Variants in TTLL4 observed in about 807,000 individuals in gnomAD.
TTLL4 encodes the protein tubulin tyrosine ligase like 4.
TTLL4 carries 85 observed loss-of-function variants against 122.7 expected under a neutral mutation model. That is an observed-to-expected ratio of 0.69 (90% confidence interval 0.58 to 0.83). The LOEUF is 0.83. Among genes scored for constraint, TTLL4 ranks in the 40% least tolerant of loss-of-function variants. TTLL4 has a pLI of 0.00. For missense variants in TTLL4, 1,363 were observed against 1,488.6 expected (o/e 0.92, Z 1.39); for synonymous variants, 553 against 563.0 (o/e 0.98, Z 0.25).
chr2:218,751,422 T>G (rs886195461), intron 15 of TTLL4, among the ~76,000 whole-genome samples: 1 of 152,168 alleles, frequency 6.6e-6, no homozygotes, highest in African/African-American at 2.4e-5. Context: ...TAAACTGAAC[T>G]GAAGTATATA....
At chr2:218,727,060 C>T (rs576119125) in intron 1 of TTLL4, among the ~76,000 whole-genome samples, 2 of 152,224 alleles carry the variant, frequency 1.3e-5, no homozygotes, top group African/African-American at 2.4e-5. Flanking sequence ...CCACCCACCT[C>T]GGCCTCCCAA....
At chr2:218,717,398 C>T (rs1255924256) in intron 1 of TTLL4, among the ~76,000 whole-genome samples, 2 of 152,154 alleles carry the variant, frequency 1.3e-5, no homozygotes, top group Non-Finnish European at 2.9e-5. Context: ...GAAAGAGCCT[C>T]CTTCCCGAAG....
chr2:218,753,325 C>G, intron 18 of TTLL4, 140 bp downstream of exon 18: 2 of 1,041,962 alleles, frequency 1.9e-6, no homozygotes, highest in Non-Finnish European at 1.5e-6. Context: ...ACCATTCTTT[C>G]CTTTCAAGGG....
chr2:218,722,010 A>G (rs1942056211), intron 1 of TTLL4, among the ~76,000 whole-genome samples: 1 of 152,114 alleles, frequency 6.6e-6, no homozygotes, highest in Non-Finnish European at 1.5e-5. Flanking sequence ...GGCCAGGTGT[A>G]GGGGTTCATG....
chr2:218,730,508 A>G (rs112210223), intron 2 of TTLL4, among the ~76,000 whole-genome samples: 1,815 of 151,540 alleles, frequency 0.012, 47 homozygotes, highest in African/African-American at 0.042. Context: ...ACGCTGTCTC[A>G]AAGTAAATAA....
In TTLL4 at chr2:218,751,751, T is replaced by G; in HGVS notation, c.2921T>G (p.Val974Gly). The change falls in exon 16 of 20, where the codon GTC (valine) becomes GGC (glycine). Residue 974 changes from valine to glycine, a missense_variant. Physicochemically the swap from Val to Gly is moderately radical, Grantham distance 109. This residue lies in a region of TTLL4 where 596 missense variants were observed against 655.8 expected (regional missense o/e 0.91). Coordinates refer to ENST00000392102, the MANE Select transcript of TTLL4 (RefSeq NM_014640.5). Reference sequence around the variant, plus strand: ...AAATGTCGAATGGCTCCAGAGCATGTCACTGCACAGAAGATGAAGAAAGCC... The same window carrying G: ...AAATGTCGAATGGCTCCAGAGCATGGCACTGCACAGAAGATGAAGAAAGCC... ...GDKCRMAPEH[V>G]TAQKMKKAYY... 6.2e-7 allele frequency: 1 copy of G among 1,613,710 alleles called. No individual in the cohort carries two copies. Among genetic ancestry groups the G allele is most frequent in the Non-Finnish European group, 8.5e-7 (1 of 1,179,756 alleles).
chr2:218,714,615 A>G (rs1438488491), intron 1 of TTLL4, among the ~76,000 whole-genome samples: 1 of 152,084 alleles, frequency 6.6e-6, no homozygotes, highest in East Asian at 1.9e-4. Flanking sequence ...CGGAGCCCTC[A>G]TAGATATGCT....
In TTLL4 at chr2:218,747,431, C is replaced by T; in HGVS notation, c.2249+59C>T. ...TCCCACCTCCTTGGCCTCGAGGTTCCCTTCTTACAATGTTCTGCCCTTTGT... is the reference window on the plus strand; with the variant it reads ...TCCCACCTCCTTGGCCTCGAGGTTCTCTTCTTACAATGTTCTGCCCTTTGT... On this transcript the variant is annotated intron_variant, in intron 10 of 19. Coordinates refer to ENST00000392102, the MANE Select transcript of TTLL4 (RefSeq NM_014640.5). The surrounding 1 kb of genome is among the most constrained non-coding windows in gnomAD (Gnocchi z 4.7). 6.3e-7 allele frequency: 1 copy of T among 1,593,758 alleles called. No homozygotes were observed. The highest frequency in any genetic ancestry group is 8.6e-7 in the Non-Finnish European group (1 of 1,167,144).
rs189887038 is a variant in TTLL4, at chr2:218,754,040, C to T, written c.3345-94C>T. 232 of 1,547,798 alleles carry T rather than the reference C, an allele frequency of 1.5e-4. No homozygotes were observed. The African/African-American group carries it at 2.2e-3, about 15-fold the overall frequency. ...ATTTTGGCCTACAACACTGTAATGTCGTGAATGCCTGCTCCAGACTGAAGG... is the reference window on the plus strand; with the variant it reads ...ATTTTGGCCTACAACACTGTAATGTTGTGAATGCCTGCTCCAGACTGAAGG... On this transcript the variant is annotated intron_variant, in intron 19 of 19. Transcript: ENST00000392102.
chr2:218,742,759 C>T (rs1177109925), intron 5 of TTLL4, among the ~76,000 whole-genome samples: 4 of 152,180 alleles, frequency 2.6e-5, no homozygotes, highest in Admixed American at 2.6e-4. Context: ...CAGTTTCCCC[C>T]ATTGGGTAAC....
Position 218,754,567 on chromosome 2 carries a change from T to A in TTLL4, c.*178T>A. ...ATTTGTAGGGCCGGAGGGATGGTAG[T>A]GATGGGGAGAAGGTGAGGAAGGGTC... On this transcript the variant is annotated 3_prime_UTR_variant, in exon 20 of 20. Coordinates refer to ENST00000392102, the MANE Select transcript of TTLL4 (RefSeq NM_014640.5). 1 of 835,230 alleles carries A rather than the reference T, an allele frequency of 1.2e-6. No homozygotes were observed. The highest frequency in any genetic ancestry group is 1.8e-6 in the Non-Finnish European group (1 of 552,624). The allele number at this position is 835,230 out of a possible 1,614,324, so 51.7% of individuals were successfully genotyped here. A position where few individuals can be genotyped will look rare whatever the true frequency, so the allele number is the denominator to read the frequency against.
intron 11 of TTLL4, 35 bp from the exon 12 acceptor site, chr2:218,748,070 C>A: frequency 6.2e-7 from 1 of 1,613,750 alleles, no homozygotes; most frequent in South Asian, 1.1e-5. Context: ...GCTCTGTTAC[C>A]ATCTTACCTC....
chr2:218,739,933 A>T, intron 3 of TTLL4, 125 bp from the exon 4 acceptor site: 3 of 822,840 alleles, frequency 3.6e-6, no homozygotes, highest in Non-Finnish European at 3.9e-6. Context: ...TGTGAGGTCC[A>T]GGCAAGAAGT....
intron 1 of TTLL4, among the ~76,000 whole-genome samples, chr2:218,726,432 A>T (rs1376388214): frequency 6.6e-6 from 1 of 152,080 alleles, no homozygotes; most frequent in Non-Finnish European, 1.5e-5. Context: ...ACTTGGATAT[A>T]TGTATCTCTC....
Position 218,748,206 on chromosome 2 carries a change from T to C in TTLL4, c.2480T>C (p.Met827Thr). ...GAGTACCAGGCCAATGCAGATGAAA[T>C]GGCTTGCCAGGGCCACAAATGGTAC... ...NAEYQANADE[M>T]ACQGHKWALK... The change falls in exon 12 of 20, where the codon ATG becomes ACG. Residue 827 changes from methionine to threonine, a missense_variant. Met to Thr is a moderately conservative substitution (Grantham distance 81, BLOSUM62 -1). Coordinates refer to ENST00000392102, the MANE Select transcript of TTLL4 (RefSeq NM_014640.5). The C allele has an allele frequency of 1.2e-6, 2 of 1,614,130 alleles. No individual in the cohort carries two copies. The highest frequency in any genetic ancestry group is 1.7e-6 in the Non-Finnish European group (2 of 1,180,002).
In TTLL4 at chr2:218,747,728, A is replaced by G; in HGVS notation, c.2378+3A>G. The G allele has an allele frequency of 6.2e-7, 1 of 1,614,214 alleles. No homozygotes were observed. Among genetic ancestry groups the G allele is most frequent in the Non-Finnish European group, 8.5e-7 (1 of 1,180,026 alleles). On this transcript the variant is annotated splice_donor_region_variant and intron_variant, in intron 11 of 19. Transcript: ENST00000392102. The surrounding 1 kb of genome is among the most constrained non-coding windows in gnomAD (Gnocchi z 4.7). ...CTGGTCCGCTTTGCCAGTTGCAAGT[A>G]TGTGACAGTGGTGAGGTATCCTCTG...
chr2:218,720,548 CCTGTAATCCCGGCTATTCGGGAGG>C (rs1179940303), intron 1 of TTLL4, among the ~76,000 whole-genome samples: 2 of 151,944 alleles, frequency 1.3e-5, no homozygotes, highest in Non-Finnish European at 2.9e-5. Context: ...ATGGCGGGTG[CCTGTAATCCCGGCTATTCGGGAGG>C]CTGAGGCGGG....
intron 1 of TTLL4, among the ~76,000 whole-genome samples, chr2:218,725,051 C>A (rs536130676): frequency 2.0e-5 from 3 of 152,160 alleles, no homozygotes; most frequent in Admixed American, 2.0e-4. Flanking sequence ...AGGCACATGC[C>A]ACCACACCCA....
At chr2:218,723,218 C>T (rs1575161261) in intron 1 of TTLL4, among the ~76,000 whole-genome samples, 1 of 152,268 alleles carries the variant, frequency 6.6e-6, no homozygotes, top group African/African-American at 2.4e-5. Flanking sequence ...TGCCACAGTG[C>T]CCTCCTTGTT....
Sources: allele counts gnomAD v4.1 joint callset (sites outside exome capture counted in the v4.1 genomes callset), GRCh38; gene constraint gnomAD v4.1.1; regional missense constraint gnomAD v4.1.1; non-coding constraint Gnocchi (gnomAD v3.1); transcripts MANE v1.5; gene names NCBI Gene and HGNC (gene_info 2026-07-23, HGNC 2026-07-21).